Variants in KLHL13 observed in about 807,000 individuals in gnomAD.
The protein encoded by KLHL13 is kelch-like protein 13.
Under a neutral mutation model 37.1 loss-of-function variants are expected in KLHL13, and 10 were observed. The observed-to-expected ratio is 0.27, with a 90% confidence interval of 0.17 to 0.46. The LOEUF is 0.46. KLHL13 is among the 20% of genes least tolerant of loss of function. The pLI is 1.00. For synonymous variants in KLHL13, 163 were observed against 181.2 expected (o/e 0.90, Z 0.81); for missense variants, 360 against 509.3 (o/e 0.71, Z 2.82).
chrX:118,006,034 C>A (rs1199479495), intron 1 of KLHL13, among the ~76,000 whole-genome samples: 1 of 111,733 alleles, frequency 8.9e-6, no homozygotes, highest in Non-Finnish European at 1.9e-5. Context: ...TATAATACAT[C>A]AGAATTGCAC....
At chrX:118,029,929 C>G (rs1340599091) in intron 1 of KLHL13, among the ~76,000 whole-genome samples, 1 of 110,455 alleles carries the variant, frequency 9.1e-6, no homozygotes, top group Non-Finnish European at 1.9e-5. Flanking sequence ...GATCACAGAA[C>G]TGCACTCCAG....
intron 1 of KLHL13, among the ~76,000 whole-genome samples, chrX:118,036,701 A>C (rs549858033): frequency 0.019 from 2,064 of 111,375 alleles, 58 homozygotes; most frequent in African/African-American, 0.065. Flanking sequence ...TTCATGTCTA[A>C]AACACCAAAA....
intron 1 of KLHL13, among the ~76,000 whole-genome samples, chrX:118,082,472 T>C (rs926989821): frequency 1.8e-5 from 2 of 111,681 alleles, no homozygotes; most frequent in African/African-American, 6.5e-5. Context: ...TTTTTTGCTA[T>C]TGAGTTGAGT....
intron 1 of KLHL13, among the ~76,000 whole-genome samples, chrX:118,036,964 A>T (rs1602674043): frequency 1.1e-5 from 1 of 93,272 alleles, no homozygotes; most frequent in African/African-American, 4.0e-5. Flanking sequence ...AAAAGAAGAC[A>T]TTTATGCAGC....
At chrX:117,938,629 T>G (rs898852497) in intron 2 of KLHL13, among the ~76,000 whole-genome samples, 1 of 111,869 alleles carries the variant, frequency 8.9e-6, no homozygotes, top group Non-Finnish European at 1.9e-5. Context: ...TTCTAGTAAA[T>G]TTTAAAAATT....
intron 1 of KLHL13, among the ~76,000 whole-genome samples, chrX:118,034,064 A>C (rs1415955249): frequency 2.5e-4 from 26 of 102,553 alleles, no homozygotes; most frequent in Non-Finnish European, 2.5e-4. Context: ...ATATGCACCC[A>C]ATACAGGAGC....
intron 1 of KLHL13, among the ~76,000 whole-genome samples, chrX:118,019,520 G>A (rs771368224): frequency 9.0e-6 from 1 of 110,648 alleles, no homozygotes; most frequent in East Asian, 2.8e-4. Flanking sequence ...GTCAATTTTG[G>A]CTTTTGTTGC....
At chrX:117,903,511 G>GTT (rs201860376) in intron 5 of KLHL13, among the ~76,000 whole-genome samples, 38 of 108,887 alleles carry the variant, frequency 3.5e-4, no homozygotes, top group African/African-American at 1.1e-3. Context: ...CAGTACTGTT[G>GTT]TTTTTTTTTA....
chrX:118,055,946 C>A (rs2054680586), intron 1 of KLHL13, among the ~76,000 whole-genome samples: 1 of 111,177 alleles, frequency 9.0e-6, no homozygotes, highest in African/African-American at 3.3e-5. Flanking sequence ...AAATGAAATT[C>A]ATCTTGGAAA....
intron 1 of KLHL13, chrX:117,985,464 A>G (rs746331710): frequency 1.5e-6 from 1 of 660,995 alleles, no homozygotes; most frequent in Admixed American, 5.9e-5. Context: ...AAAAAAAAAA[A>G]CCTATGTACT....
At chrX:118,030,581 A>G (rs1454043946) in intron 1 of KLHL13, among the ~76,000 whole-genome samples, 1 of 112,424 alleles carries the variant, frequency 8.9e-6, no homozygotes, top group Non-Finnish European at 1.9e-5. Flanking sequence ...CTTGACCTCA[A>G]TGCAACACTG....
chrX:117,932,595 T>A (rs6645421), intron 2 of KLHL13, among the ~76,000 whole-genome samples: 1 of 111,556 alleles, frequency 9.0e-6, no homozygotes, highest in East Asian at 2.8e-4. Flanking sequence ...AGATATAAAA[T>A]TTTTTTCTTT....
chrX:117,911,439 T>C (rs1243658916), intron 4 of KLHL13, among the ~76,000 whole-genome samples: 2 of 112,070 alleles, frequency 1.8e-5, no homozygotes, highest in African/African-American at 6.5e-5. Flanking sequence ...GGGATATACA[T>C]GCAGAACGTG....
At chrX:117,966,528 A>G (rs1293303279) in intron 1 of KLHL13, among the ~76,000 whole-genome samples, 2 of 111,629 alleles carry the variant, frequency 1.8e-5, no homozygotes, top group African/African-American at 6.5e-5. Flanking sequence ...CAAGCTACCG[A>G]TGACCTTCTT....
At chrX:118,101,257 T>C (rs1246431717) in intron 1 of KLHL13, among the ~76,000 whole-genome samples, 2 of 111,883 alleles carry the variant, frequency 1.8e-5, no homozygotes, top group Non-Finnish European at 3.8e-5. Context: ...AGATGGTAAA[T>C]AGGAAGAGTT....
intron 1 of KLHL13, among the ~76,000 whole-genome samples, chrX:117,965,308 T>C (rs1330297032): frequency 1.4e-4 from 16 of 112,161 alleles, no homozygotes; most frequent in African/African-American, 5.2e-4. Flanking sequence ...TATCTCATTG[T>C]GGTTTTGATT....
At chrX:117,981,969 C>T (rs1401981127) in intron 1 of KLHL13, among the ~76,000 whole-genome samples, 4 of 110,937 alleles carry the variant, frequency 3.6e-5, no homozygotes, top group African/African-American at 1.3e-4. Context: ...TTTAACTTCA[C>T]AAATGAAATC....
At chrX:118,005,614 A>T (rs970972262) in intron 1 of KLHL13, among the ~76,000 whole-genome samples, 1 of 111,615 alleles carries the variant, frequency 9.0e-6, no homozygotes, top group Non-Finnish European at 1.9e-5. Context: ...GATGTGAGAA[A>T]GATTTGACCC....
At chrX:118,038,041 T>C (rs191345366) in intron 1 of KLHL13, among the ~76,000 whole-genome samples, 2 of 112,033 alleles carry the variant, frequency 1.8e-5, no homozygotes, top group African/African-American at 6.5e-5. Context: ...AGGAAAAATA[T>C]TGAAAAAAGG....
Sources: allele counts gnomAD v4.1 joint callset (sites outside exome capture counted in the v4.1 genomes callset), GRCh38; gene constraint gnomAD v4.1.1; transcripts MANE v1.5; gene names NCBI Gene and HGNC (gene_info 2026-07-23, HGNC 2026-07-21).